The following DUOX2 variants were observed in gnomAD, a reference collection of about 807,000 sequenced individuals.
The protein encoded by DUOX2 is NADH/NADPH thyroid oxidase p138-tox.
In DUOX2, 185 loss-of-function variants were observed where a neutral mutation model predicts 183.3. The ratio of observed to expected loss-of-function variants is 1.01; its 90% CI spans 0.90 to 1.14. The LOEUF (loss-of-function observed/expected upper bound fraction) is 1.14, where lower values mean the gene tolerates loss of function less well. Ranked by LOEUF, DUOX2 falls within the 50% of genes most tolerant of loss-of-function variation. The pLI is 0.00. For synonymous variants in DUOX2, 788 were observed against 812.4 expected, an observed-to-expected ratio of 0.97 and a Z score of 0.51; for missense variants, 1,999 against 2,022.9, an observed-to-expected ratio of 0.99 and a Z score of 0.23.
rs1461012992 is a variant in DUOX2, at chr15:45,109,357, A to T, written c.1234+167T>A. On this transcript the variant is annotated intron_variant, in intron 11 of 33. Coordinates refer to ENST00000389039, the MANE Select transcript of DUOX2 (RefSeq NM_001363711.2). Reference sequence around the variant, plus strand: ...AACACAAAAGTGTAAATTAAGCAAAAAAAAAAAAAAAGTTCAAAGTTCATT... The same window carrying T: ...AACACAAAAGTGTAAATTAAGCAAATAAAAAAAAAAAGTTCAAAGTTCATT... The T allele has an allele frequency of 1.4e-4, 90 of 648,862 alleles. No homozygotes were observed. In the South Asian group the frequency reaches 1.6e-3, roughly 12 times the overall value. 40.2% of individuals were successfully genotyped at this position (648,862 alleles called of 1,614,324 possible).
At position 45,101,857 on chromosome 15, in the gene DUOX2, C is replaced by G. The variant is rs1457240069; in HGVS notation, c.2787G>C (p.Arg929=). The G allele has an allele frequency of 6.2e-7, 1 of 1,614,230 alleles. No homozygotes were observed. The highest frequency in any genetic ancestry group is 8.5e-7 in the Non-Finnish European group (1 of 1,180,048). Residue 929 remains arginine, a synonymous_variant, in exon 21 of 34, where the codon CGG becomes CGC. Transcript: ENST00000389039. ...LTWEDFHFML[R]DHDSELRFTQ... is the part of the protein sequence containing the mutation. ...TGAAGCGGAGCTCGCTGTCATGGTC[C>G]CGCAGCATGAAGTGAAAATCCTCCC...
chr15:45,111,130 C>T lies in DUOX2; in HGVS notation c.863G>A (p.Arg288Lys). 7.8e-7 allele frequency: 1 copy of T among 1,278,294 alleles called. No homozygotes were observed. Among genetic ancestry groups the T allele is most frequent in the Non-Finnish European group, 1.1e-6 (1 of 938,840 alleles). The allele number at this position is 1,278,294 out of a possible 1,614,324, so 79.2% of individuals were successfully genotyped here. Reference protein sequence around the residue: ...DEELFQHARKRVIATYQNIAV... With the variant: ...DEELFQHARKKVIATYQNIAV... ...GCTGACCTGGTAGGTGGCGATGACC[C>T]TCTTGCGTGCGTGCTGGAACAGCTC... Residue 288 changes from arginine (R) to lysine (K), a missense_variant, in exon 7 of 34, where the codon AGG (arginine) becomes AAG (lysine). Physicochemically the swap from Arg to Lys is conservative, Grantham distance 26 (BLOSUM62 2). This residue lies in a region of DUOX2 where 15 missense variants were observed against 57.9 expected (regional missense o/e 0.26). Coordinates refer to ENST00000389039, the MANE Select transcript of DUOX2 (RefSeq NM_001363711.2).
Position 45,095,430 on chromosome 15 carries a change from T to C in DUOX2, c.4239+7A>G, listed in dbSNP as rs1045010147. 2 of 1,614,206 alleles carry C rather than the reference T, an allele frequency of 1.2e-6. No homozygotes were observed. Among genetic ancestry groups the C allele is most frequent in the Non-Finnish European group, 1.7e-6 (2 of 1,180,032 alleles). The stretch of plus-strand genomic sequence containing the variant: ...CCCCATTTGATGAATGAGGGAGGGA[T>C]GCTCACCTTCTTACACAGCATTTGG... On this transcript the variant is annotated splice_region_variant and intron_variant, in intron 31 of 33. Transcript: ENST00000389039.
intron 19 of DUOX2, 21 bp from the exon 20 acceptor site, chr15:45,104,074 G>A (rs748798653): frequency 1.2e-6 from 2 of 1,614,084 alleles, no homozygotes; most frequent in African/African-American, 1.3e-5. Flanking sequence ...AAAAGGGAAT[G>A]CAGGTCATCT....
Position 45,104,129 on chromosome 15 carries a change from C to T in DUOX2, c.2560+11G>A, listed in dbSNP as rs750460804. The T allele has an allele frequency of 8.1e-6, 13 of 1,614,166 alleles. No homozygotes were observed. In the South Asian group the frequency reaches 1.2e-4, roughly 15 times the overall value. ...GATTCTTGGATAGCCTGCCACCTCCCAGCCCCCTACCTTTCATGAAGACCA... is the reference window on the plus strand; with the variant it reads ...GATTCTTGGATAGCCTGCCACCTCCTAGCCCCCTACCTTTCATGAAGACCA... On this transcript the variant is annotated intron_variant, in intron 19 of 33. Coordinates refer to ENST00000389039, the MANE Select transcript of DUOX2 (RefSeq NM_001363711.2).
Position 45,108,800 on chromosome 15 carries a change from C to A in DUOX2, c.1387G>T (p.Val463Leu), listed in dbSNP as rs1390142820. Residue 463 changes from valine (V) to leucine (L), a missense_variant, in exon 12 of 34, where the codon GTG becomes TTG. Val to Leu is a conservative substitution (Grantham distance 32). This residue lies in a region of DUOX2 where 1,628 missense variants were observed against 1,608.6 expected (regional missense o/e 1.01). Coordinates refer to ENST00000389039, the MANE Select transcript of DUOX2 (RefSeq NM_001363711.2). ...PRNWSDLNPN[V>L]DPQVLEATAA... Reference sequence around the variant, plus strand: ...TTACTATTCCTGACCTGGGGGTCCACATTAGGGTTGAGATCACTCCAGTTC... The same window carrying A: ...TTACTATTCCTGACCTGGGGGTCCAAATTAGGGTTGAGATCACTCCAGTTC... 1 of 1,614,246 alleles carries A rather than the reference C, an allele frequency of 6.2e-7. No individual in the cohort carries two copies. Among genetic ancestry groups the A allele is most frequent in the Non-Finnish European group, 8.5e-7 (1 of 1,180,046 alleles).
chr15:45,109,151 T>A, intron 11 of DUOX2, 199 bp from the exon 12 acceptor site: 1 of 690,730 alleles, frequency 1.4e-6, no homozygotes, highest in Admixed American at 2.2e-5. Flanking sequence ...GTTTTTCCAG[T>A]AAGACCCTTC....
intron 21 of DUOX2, 171 bp from the exon 22 acceptor site, chr15:45,101,445 G>T: frequency 1.4e-6 from 1 of 694,816 alleles, no homozygotes; most frequent in South Asian, 1.7e-5. Flanking sequence ...AGACAATGTG[G>T]CAACTTTGCA....
chr15:45,097,647 C>G lies in DUOX2; in HGVS notation c.3660G>C (p.Leu1220=), dbSNP rs757964910. ...FRRRSFRGFW[L]THHLYILLYA... ...AGAGCAGGATGTAGAGGTGGTGGGTCAGCCAGAAGCCCCGGAAGCTGCGGC... is the reference window on the plus strand; with the variant it reads ...AGAGCAGGATGTAGAGGTGGTGGGTGAGCCAGAAGCCCCGGAAGCTGCGGC... The change falls in exon 28 of 34, where the codon CTG becomes CTC. Residue 1220 remains leucine, a synonymous_variant. Coordinates refer to ENST00000389039, the MANE Select transcript of DUOX2 (RefSeq NM_001363711.2). The G allele has an allele frequency of 2.5e-6, 4 of 1,614,112 alleles. No homozygotes were observed. In the African/African-American group the frequency reaches 5.3e-5, roughly 22 times the overall value.
chr15:45,097,579 C>T, intron 28 of DUOX2, 35 bp downstream of exon 28: 1 of 1,614,172 alleles, frequency 6.2e-7, no homozygotes, highest in Non-Finnish European at 8.5e-7. Flanking sequence ...TCCTGAGCTC[C>T]CTGCTCCATG....
At position 45,106,751 on chromosome 15, in the gene DUOX2, C is replaced by T. The variant is rs918093174; in HGVS notation, c.1831+81G>A. 6.2e-5 allele frequency: 99 copies of T among 1,605,598 alleles called. 1 individual carries two copies. The African/African-American group carries it at 7.1e-4, about 11-fold the overall frequency. On this transcript the variant is annotated intron_variant, in intron 15 of 33. Transcript: ENST00000389039. The stretch of plus-strand genomic sequence containing the variant: ...GAGGTTCCTTGAGCCTGGTCTCAAA[C>T]GGTACCAAATAGCCAGCCCCTCAGG...
Position 45,101,912 on chromosome 15 carries a change from G to C in DUOX2, c.2732C>G (p.Ser911Trp), listed in dbSNP as rs745729386. 2.5e-6 allele frequency: 4 copies of C among 1,614,192 alleles called. No homozygotes were observed. Among genetic ancestry groups the C allele is most frequent in the East Asian group, 4.5e-5 (2 of 44,878 alleles). The change falls in exon 21 of 34, where the codon TCG (serine) becomes TGG (tryptophan). Residue 911 changes from serine to tryptophan, a missense_variant. By Grantham distance (177) the Ser-to-Trp change is radical. Transcript: ENST00000389039. ...CAGCTCCTCCTTGTCCTGGAATCCC[G>C]ACTCCCGGAACATAGACTCCACCAC... ...AEVVESMFRE[S>W]GFQDKEELTW...
rs375497461 is a variant in DUOX2, at chr15:45,100,137, G to A, written c.3097C>T (p.Arg1033Cys). 1.3e-5 allele frequency: 21 copies of A among 1,614,086 alleles called. No individual in the cohort carries two copies. The highest frequency in any genetic ancestry group is 7.7e-5 in the South Asian group (7 of 91,088). The change falls in exon 24 of 34, where the codon CGC (arginine) becomes TGC (cysteine). Residue 1033 changes from arginine (R) to cysteine (C), a missense_variant. Around this residue, in one of 3 missense-constraint regions of DUOX2, gnomAD observed 1,628 missense variants for 1,608.6 expected, o/e 1.01. Transcript: ENST00000389039. ...FLAQKLQQYK[R>C]FVENYRRHIV... ...TGCCTCCGGTAGTTCTCCACGAAGCGCTTGTACTGCTGCAGCTTTTGGGCT... is the reference window on the plus strand; with the variant it reads ...TGCCTCCGGTAGTTCTCCACGAAGCACTTGTACTGCTGCAGCTTTTGGGCT...
chr15:45,097,022 C>G (rs1330961441), intron 29 of DUOX2, among the ~76,000 whole-genome samples: 1 of 152,236 alleles, frequency 6.6e-6, no homozygotes, highest in East Asian at 1.9e-4. Flanking sequence ...TCACTTCTCA[C>G]CATCTGCAAG....
chr15:45,100,035 G>A lies in DUOX2; in HGVS notation c.3184+15C>T. 1 of 1,614,236 alleles carries A rather than the reference G, an allele frequency of 6.2e-7. No homozygotes were observed. The highest frequency in any genetic ancestry group is 8.5e-7 in the Non-Finnish European group (1 of 1,180,044). On this transcript the variant is annotated intron_variant, in intron 24 of 33. Transcript: ENST00000389039. ...GCCTGCTCCCTACCCACTGCCCACA[G>A]CCTGGAACTCTTACAGTAAGCACGA...
rs201798367 is a variant in DUOX2, at chr15:45,109,878, C to G, written c.1131+12G>C. The G allele has an allele frequency of 3.1e-6, 5 of 1,613,852 alleles. No individual in the cohort carries two copies. The East Asian group carries it at 1.1e-4, about 36-fold the overall frequency. On this transcript the variant is annotated intron_variant, in intron 10 of 33. Coordinates refer to ENST00000389039, the MANE Select transcript of DUOX2 (RefSeq NM_001363711.2). ...TTGACCCATCTTCCCCTGACCCTGA[C>G]CCCAGTCTGACCTCCCGAATCCAGT...
Position 45,104,377 on chromosome 15 carries a change from C to T in DUOX2, c.2335-12G>A. The T allele has an allele frequency of 3.1e-6, 5 of 1,612,364 alleles. No homozygotes were observed. Among genetic ancestry groups the T allele is most frequent in the Non-Finnish European group, 4.2e-6 (5 of 1,179,258 alleles). On this transcript the variant is annotated splice_polypyrimidine_tract_variant and intron_variant, in intron 18 of 33. Coordinates refer to ENST00000389039, the MANE Select transcript of DUOX2 (RefSeq NM_001363711.2). ...TTGATGTCCAGCACCTGCACTCGGG[C>T]AGCAGCAGAGGGAGGGAAAGAGAAG... is the stretch of plus-strand genomic sequence containing the variant.
At position 45,102,005 on chromosome 15, in the gene DUOX2, A is replaced by G. The variant is rs932301096; in HGVS notation, c.2655-16T>C. ...GATGAAGGATCTGGAGGAGGACCAG[A>G]GACACAGCAGCCTGTCACCCAGCAA... On this transcript the variant is annotated splice_polypyrimidine_tract_variant and intron_variant, in intron 20 of 33. Transcript: ENST00000389039. 1.2e-5 allele frequency: 19 copies of G among 1,613,832 alleles called. No individual in the cohort carries two copies. The highest frequency in any genetic ancestry group is 1.3e-5 in the Non-Finnish European group (15 of 1,179,950).
At position 45,094,691 on chromosome 15, in the gene DUOX2, A is replaced by G. The variant is rs770412777; in HGVS notation, c.4396T>C (p.Tyr1466His). ...EKFDLRTTMLYICERHFQKVL... is the reference protein window; with the variant it reads ...EKFDLRTTMLHICERHFQKVL... ...TTCTGGAAGTGCCGCTCGCAGATGT[A>G]CTGGGGGCACAGGGGCAGGTCAGAC... Residue 1466 changes from tyrosine to histidine, a missense_variant and splice_region_variant, in exon 33 of 34, where the codon TAC becomes CAC. Coordinates refer to ENST00000389039, the MANE Select transcript of DUOX2 (RefSeq NM_001363711.2). 12 of 1,613,980 alleles carry G rather than the reference A, an allele frequency of 7.4e-6. No individual in the cohort carries two copies. The highest frequency in any genetic ancestry group is 1.0e-5 in the Non-Finnish European group (12 of 1,179,946).
Sources: gnomAD v4.1 joint callset for allele counts (sites outside exome capture counted in the v4.1 genomes callset) on GRCh38, gnomAD v4.1.1 for gene constraint, gnomAD v4.1.1 regional missense constraint, MANE v1.5 for transcripts, NCBI Gene and HGNC (gene_info 2026-07-23, HGNC 2026-07-21) for gene names.